The following PDE1A variants were observed in gnomAD, a reference collection of about 807,000 sequenced individuals.
PDE1A encodes dual specificity calcium/calmodulin-dependent 3',5'-cyclic nucleotide phosphodiesterase 1A.
Under a neutral mutation model 61.7 loss-of-function variants are expected in PDE1A, and 35 were observed. That is an observed-to-expected ratio of 0.57 (90% CI 0.43 to 0.75). PDE1A has a LOEUF of 0.75. Among genes scored for constraint, PDE1A ranks in the 30% least tolerant of loss-of-function variants. The probability of loss-of-function intolerance (pLI) is 0.00; values close to 1 mark genes in which losing one functional copy is unlikely to be tolerated. For missense variants in PDE1A, 597 were observed against 630.6 expected, an observed-to-expected ratio of 0.95 and a Z score of 0.57; for synonymous variants, 232 against 213.2, an observed-to-expected ratio of 1.09 and a Z score of -0.77.
At chr2:182,662,208 C>A in the PDE1A span, among the ~76,000 whole-genome samples, 1 of 130,770 alleles carries the variant, frequency 7.6e-6, no homozygotes. Flanking sequence ...GATATTGCAC[C>A]ATAAAGAGAA....
At chr2:182,262,955 ATGTGTGTGTG>A (rs60469609) in intron 2 of PDE1A, among the ~76,000 whole-genome samples, 36 of 147,260 alleles carry the variant, frequency 2.4e-4, no homozygotes, top group Admixed American at 4.1e-4. Flanking sequence ...TTATTAAACA[ATGTGTGTGTG>A]TGTGTGTGTG....
At chr2:182,181,866 A>G (rs1018099625) in intron 13 of PDE1A, among the ~76,000 whole-genome samples, 13 of 152,130 alleles carry the variant, frequency 8.5e-5, no homozygotes, top group African/African-American at 2.9e-4. Context: ...TCTCCTTCAC[A>G]CTGTCAGGGG....
the PDE1A span, among the ~76,000 whole-genome samples, chr2:182,690,477 C>T: frequency 1.3e-5 from 2 of 152,124 alleles, no homozygotes; most frequent in African/African-American, 4.8e-5. Flanking sequence ...CAAAAGTCAA[C>T]AGCGCTTCAT....
At chr2:182,299,933 A>C (rs1471669041) in intron 1 of PDE1A, among the ~76,000 whole-genome samples, 1 of 152,190 alleles carries the variant, frequency 6.6e-6, no homozygotes, top group Non-Finnish European at 1.5e-5. Context: ...CTTGAGCAGC[A>C]GCTAGCAATA....
chr2:182,602,966 T>A, the PDE1A span, among the ~76,000 whole-genome samples: 22,023 of 149,360 alleles, frequency 0.15, 1,908 homozygotes, highest in African/African-American at 0.24. Context: ...GACACTCGGG[T>A]TGCCCTAAAA....
intron 6 of PDE1A, among the ~76,000 whole-genome samples, chr2:182,226,248 G>A (rs1689133312): frequency 6.7e-6 from 1 of 149,726 alleles, no homozygotes; most frequent in South Asian, 2.1e-4. Context: ...GAAAATCAGA[G>A]ATGGAATTAA....
At chr2:182,493,618 A>G (rs1057433635) in intron 2 of PDE1A, among the ~76,000 whole-genome samples, 2 of 152,226 alleles carry the variant, frequency 1.3e-5, no homozygotes, top group Non-Finnish European at 2.9e-5. Context: ...ATAAAGACAC[A>G]TGCACAAGTA....
the PDE1A span, among the ~76,000 whole-genome samples, chr2:182,580,219 A>G: frequency 1.3e-5 from 2 of 152,166 alleles, no homozygotes; most frequent in African/African-American, 4.8e-5. Flanking sequence ...GTGACCTTAT[A>G]TTAATTAATA....
At chr2:182,356,546 T>C (rs1288735353) in intron 1 of PDE1A, among the ~76,000 whole-genome samples, 3 of 151,978 alleles carry the variant, frequency 2.0e-5, no homozygotes, top group Non-Finnish European at 4.4e-5. Context: ...GCTCAGGAGT[T>C]CAAAACCAGC....
At chr2:182,572,609 G>A in the PDE1A span, among the ~76,000 whole-genome samples, 3 of 152,132 alleles carry the variant, frequency 2.0e-5, no homozygotes, top group African/African-American at 7.2e-5. Context: ...TAGGCCAGGC[G>A]CGGTGGCTCA....
chr2:182,570,882 G>C, the PDE1A span, among the ~76,000 whole-genome samples: 1 of 152,142 alleles, frequency 6.6e-6, no homozygotes, highest in African/African-American at 2.4e-5. Context: ...GTTGCCTGTG[G>C]AGCACTGGGT....
chr2:182,568,209 T>C, the PDE1A span, among the ~76,000 whole-genome samples: 1 of 152,170 alleles, frequency 6.6e-6, no homozygotes, highest in Non-Finnish European at 1.5e-5. Flanking sequence ...TTTTTGGTTT[T>C]TAATCTGTTC....
intron 1 of PDE1A, among the ~76,000 whole-genome samples, chr2:182,399,463 C>T (rs1404665058): frequency 6.6e-6 from 1 of 151,988 alleles, no homozygotes; most frequent in Non-Finnish European, 1.5e-5. Flanking sequence ...GAAATTAATA[C>T]ATGCTTATTG....
chr2:182,612,669 A>T, the PDE1A span, among the ~76,000 whole-genome samples: 1 of 152,200 alleles, frequency 6.6e-6, no homozygotes, highest in Non-Finnish European at 1.5e-5. Flanking sequence ...TTTCTTTTTC[A>T]TTGGGGCCTC....
downstream of PDE1A, chr2:182,147,015 T>G (rs899525220): frequency 1.7e-4 from 173 of 1,038,868 alleles, 2 homozygotes; most frequent in East Asian, 4.2e-3. Context: ...GTTAAGTTTC[T>G]GGTCTATAAA....
chr2:182,349,128 ATTT>A (rs1698703438), intron 1 of PDE1A, among the ~76,000 whole-genome samples: 1 of 152,182 alleles, frequency 6.6e-6, no homozygotes, highest in South Asian at 2.1e-4. Context: ...TGCTAAGTTT[ATTT>A]AGTTAGAAAG....
chr2:182,332,521 C>G (rs1185683048), intron 1 of PDE1A, among the ~76,000 whole-genome samples: 3 of 152,096 alleles, frequency 2.0e-5, no homozygotes, highest in Non-Finnish European at 4.4e-5. Context: ...TGTTTGTGAC[C>G]TTCGCATGGG....
At chr2:182,499,022 C>T (rs541563775) in intron 2 of PDE1A, among the ~76,000 whole-genome samples, 1 of 151,866 alleles carries the variant, frequency 6.6e-6, no homozygotes, top group African/African-American at 2.4e-5. Flanking sequence ...GAGTCTTGCT[C>T]TGTCACCCAG....
At chr2:182,559,078 T>C in the PDE1A span, among the ~76,000 whole-genome samples, 2 of 152,334 alleles carry the variant, frequency 1.3e-5, no homozygotes, top group East Asian at 1.9e-4. Context: ...AAGAGAGCTT[T>C]TCAAATCATA....
Sources: gnomAD v4.1 joint callset for allele counts (sites outside exome capture counted in the v4.1 genomes callset) on GRCh38, gnomAD v4.1.1 for gene constraint, MANE v1.5 for transcripts, NCBI Gene and HGNC (gene_info 2026-07-23, HGNC 2026-07-21) for gene names.